MAD1L1: variants seen among roughly 807,000 people sequenced by gnomAD.
The protein encoded by MAD1L1 is mitotic spindle assembly checkpoint protein MAD1.
In MAD1L1, 95 loss-of-function variants were observed where a neutral mutation model predicts 96.9. The observed-to-expected ratio is 0.98, with a 90% CI of 0.83 to 1.16. The LOEUF (loss-of-function observed/expected upper bound fraction) is 1.16. Among genes scored for constraint, MAD1L1 ranks in the 50% most tolerant of loss-of-function variants. The pLI, the probability that MAD1L1 is intolerant of heterozygous loss-of-function variation, is 0.00. For missense variants in MAD1L1, 1,007 were observed against 954.4 expected (o/e 1.06, Z -0.73); for synonymous variants, 473 against 396.6 (o/e 1.19, Z -2.29).
At chr7:2,046,931 C>T (rs1354829455) in intron 12 of MAD1L1, among the ~76,000 whole-genome samples, 5 of 152,242 alleles carry the variant, frequency 3.3e-5, no homozygotes, top group Admixed American at 2.6e-4. Context: ...GCTGCGCACA[C>T]AACACCCCCT....
intron 10 of MAD1L1, among the ~76,000 whole-genome samples, chr7:2,182,872 T>C (rs1339739331): frequency 6.6e-6 from 1 of 152,178 alleles, no homozygotes; most frequent in Non-Finnish European, 1.5e-5. Context: ...AATTAGACAG[T>C]AGGTATGAGT....
intron 13 of MAD1L1, among the ~76,000 whole-genome samples, chr7:2,003,753 G>A (rs1781908469): frequency 6.6e-6 from 1 of 152,162 alleles, no homozygotes; most frequent in African/African-American, 2.4e-5. Context: ...CCCTGGGGGA[G>A]GCCCTGGAGC....
chr7:1,896,012 C>G (rs571099588), intron 18 of MAD1L1, among the ~76,000 whole-genome samples: 2 of 152,018 alleles, frequency 1.3e-5, no homozygotes, highest in African/African-American at 4.8e-5. Flanking sequence ...CAGGCCAGAC[C>G]CCTGCAGGAA....
intron 11 of MAD1L1, among the ~76,000 whole-genome samples, chr7:2,126,153 T>C (rs918282059): frequency 1.3e-5 from 2 of 152,048 alleles, no homozygotes; most frequent in African/African-American, 4.8e-5. Flanking sequence ...ACCTCTGCCA[T>C]ATGGCCTAGG....
intron 17 of MAD1L1, among the ~76,000 whole-genome samples, chr7:1,899,566 T>C (rs4721175): frequency 0.7 from 105,893 of 152,152 alleles, 37,473 homozygotes; most frequent in African/African-American, 0.83. Flanking sequence ...AAGTCAACCA[T>C]GGCCATATGG....
intron 11 of MAD1L1, among the ~76,000 whole-genome samples, chr7:2,110,997 T>C (rs938857022): frequency 6.6e-6 from 1 of 152,052 alleles, no homozygotes; most frequent in Non-Finnish European, 1.5e-5. Flanking sequence ...TCGAGTCCTG[T>C]ACACAAGTGA....
chr7:2,099,346 C>T lies in MAD1L1; in HGVS notation c.1074-30008G>A, dbSNP rs115713392. On this transcript the variant is annotated intron_variant, in intron 11 of 18. Coordinates refer to ENST00000265854, the MANE Select transcript of MAD1L1 (RefSeq NM_001013836.2). ...CTCTGTTCCTCAACAGGAGTTGTTTCCCGCAGCCCCTGCCGCCTTGGCTTC... is the reference window on the plus strand; with the variant it reads ...CTCTGTTCCTCAACAGGAGTTGTTTTCCGCAGCCCCTGCCGCCTTGGCTTC... 1.0e-2 allele frequency among the ~76,000 whole-genome samples: 1,516 copies of T among 152,338 alleles called. 18 individuals carry two copies. The highest frequency in any genetic ancestry group is 0.035 in the African/African-American group (1,453 of 41,576).
intron 12 of MAD1L1, among the ~76,000 whole-genome samples, chr7:2,017,920 G>C (rs2128499739): frequency 6.6e-6 from 1 of 152,234 alleles, no homozygotes; most frequent in East Asian, 1.9e-4. Context: ...CCTTGGGCCT[G>C]GGCTTGGGAA....
At chr7:2,194,891 T>G (rs371112998) in intron 10 of MAD1L1, among the ~76,000 whole-genome samples, 2 of 152,134 alleles carry the variant, frequency 1.3e-5, no homozygotes, top group East Asian at 3.9e-4. Context: ...CTGGCCAACA[T>G]GCCAAAACCC....
At position 2,120,726 on chromosome 7, in the gene MAD1L1, C is replaced by G. The variant is rs377707373; in HGVS notation, c.1073+28426G>C. On this transcript the variant is annotated intron_variant, in intron 11 of 18. Transcript: ENST00000265854. ...TATCACTTCGAGAGAGACTTGTAAA[C>G]AAGAGTATATGCCAAGAAAGACAGG... Among the ~76,000 whole-genome samples the G allele has an allele frequency of 4.3e-4, 65 of 152,306 alleles. No individual in the cohort carries two copies. In the East Asian group the frequency reaches 0.012, roughly 28 times the overall value.
intron 18 of MAD1L1, among the ~76,000 whole-genome samples, chr7:1,856,951 A>G (rs1427383182): frequency 6.6e-6 from 1 of 152,094 alleles, no homozygotes; most frequent in Non-Finnish European, 1.5e-5. Flanking sequence ...ACAGCAGCTC[A>G]TCCTGTTTCC....
intron 13 of MAD1L1, among the ~76,000 whole-genome samples, chr7:2,012,755 C>T (rs568434480): frequency 3.3e-5 from 5 of 152,318 alleles, no homozygotes; most frequent in Non-Finnish European, 5.9e-5. Flanking sequence ...CAGGGCCCTT[C>T]GGCGTGGCCT....
At chr7:2,029,861 G>A (rs1013391192) in intron 12 of MAD1L1, among the ~76,000 whole-genome samples, 1 of 152,148 alleles carries the variant, frequency 6.6e-6, no homozygotes, top group Non-Finnish European at 1.5e-5. Context: ...GTTGATGTGC[G>A]AGTTATGATT....
At chr7:1,907,257 G>T (rs115386983) in intron 17 of MAD1L1, among the ~76,000 whole-genome samples, 215 of 152,308 alleles carry the variant, frequency 1.4e-3, no homozygotes, top group African/African-American at 4.7e-3. Flanking sequence ...CCCCAGTGAG[G>T]AGCTGGCCTG....
intron 18 of MAD1L1, among the ~76,000 whole-genome samples, chr7:1,828,299 C>A (rs1179535041): frequency 6.6e-6 from 1 of 152,192 alleles, no homozygotes; most frequent in Non-Finnish European, 1.5e-5. Flanking sequence ...CAGTCACAGC[C>A]CAGGCAGGGC....
At chr7:1,866,323 G>A (rs905105287) in intron 18 of MAD1L1, among the ~76,000 whole-genome samples, 1 of 152,180 alleles carries the variant, frequency 6.6e-6, no homozygotes, top group Non-Finnish European at 1.5e-5. Flanking sequence ...TGTGGGTCCC[G>A]ACAGCCTCTG....
At chr7:2,185,931 G>C (rs1043584185) in intron 10 of MAD1L1, among the ~76,000 whole-genome samples, 1 of 152,220 alleles carries the variant, frequency 6.6e-6, no homozygotes, top group African/African-American at 2.4e-5. Context: ...TAGGGAGGGT[G>C]CCTGAGAGCC....
intron 17 of MAD1L1, among the ~76,000 whole-genome samples, chr7:1,907,078 A>C (rs577916447): frequency 7.1e-4 from 106 of 150,074 alleles, no homozygotes; most frequent in African/African-American, 2.4e-3. Context: ...TGTGAGAGCC[A>C]GGGGCCTCCA....
chr7:1,928,638 G>A (rs1010912661), intron 17 of MAD1L1, among the ~76,000 whole-genome samples: 2 of 152,226 alleles, frequency 1.3e-5, no homozygotes, highest in African/African-American at 4.8e-5. Context: ...CAGGGCTGGA[G>A]CCCCTGCACC....
Sources: allele counts gnomAD v4.1 joint callset (sites outside exome capture counted in the v4.1 genomes callset), GRCh38; gene constraint gnomAD v4.1.1; transcripts MANE v1.5; gene names NCBI Gene and HGNC (gene_info 2026-07-23, HGNC 2026-07-21).